WDR1: variants seen among roughly 807,000 people sequenced by gnomAD.
WDR1 encodes WD repeat domain 1, also known as WD repeat-containing protein 1.
In WDR1, 21 loss-of-function variants were observed where a neutral mutation model predicts 71.9. That is an observed-to-expected ratio of 0.29 (90% CI 0.21 to 0.42). The LOEUF (loss-of-function observed/expected upper bound fraction) is 0.42, where lower values mean the gene tolerates loss of function less well. Among genes scored for constraint, WDR1 ranks in the 10% least tolerant of loss-of-function variants. The probability of loss-of-function intolerance (pLI) is 1.00; values close to 1 mark genes in which losing one functional copy is unlikely to be tolerated. For missense variants in WDR1, 696 were observed against 824.5 expected (o/e 0.84, Z 1.91); for synonymous variants, 424 against 347.4 (o/e 1.22, Z -2.45).
chr4:10,084,663 C>CT (rs1024701574), intron 8 of WDR1, 133 bp from the exon 9 acceptor site: 1 of 804,828 alleles, frequency 1.2e-6, no homozygotes, highest in African/African-American at 1.7e-5. Context: ...TGCAGGTGCT[C>CT]TGAGGCCCCA....
intron 8 of WDR1, among the ~76,000 whole-genome samples, chr4:10,086,550 G>C (rs1355050374): frequency 6.7e-6 from 1 of 149,904 alleles, no homozygotes; most frequent in South Asian, 2.1e-4. Flanking sequence ...CCTAGAAGCC[G>C]TGGTGTGAAG....
intron 8 of WDR1, among the ~76,000 whole-genome samples, chr4:10,086,514 T>C (rs1462781572): frequency 1.3e-5 from 2 of 152,050 alleles, no homozygotes; most frequent in Non-Finnish European, 2.9e-5. Flanking sequence ...CCATGTAGAA[T>C]GGATTTGGTG....
Position 10,074,726 on chromosome 4 carries a change from C to T in WDR1, c.*652G>A, listed in dbSNP as rs1249935930. 6.6e-6 allele frequency: 1 copy of T among 152,152 alleles called. No individual in the cohort carries two copies. Among genetic ancestry groups the T allele is most frequent in the Admixed American group, 6.6e-5 (1 of 15,224 alleles). The allele number at this position is 152,152 out of a possible 1,614,324, so 9.4% of individuals were successfully genotyped here. ...CAACGCACTAGTTTGTAAACACTGACAGGCAACAGTTAAGATACATTAAAA... is the reference window on the plus strand; with the variant it reads ...CAACGCACTAGTTTGTAAACACTGATAGGCAACAGTTAAGATACATTAAAA... On this transcript the variant is annotated 3_prime_UTR_variant, in exon 15 of 15. Transcript: ENST00000499869.
chr4:10,115,600 G>A (rs1471239703), intron 2 of WDR1, among the ~76,000 whole-genome samples: 2 of 152,222 alleles, frequency 1.3e-5, no homozygotes, highest in African/African-American at 2.4e-5. Flanking sequence ...GACGCCAGCA[G>A]CTCATTCATT....
chr4:10,101,131 G>C (rs182809349), intron 3 of WDR1, among the ~76,000 whole-genome samples: 5 of 152,392 alleles, frequency 3.3e-5, no homozygotes, highest in African/African-American at 7.2e-5. Flanking sequence ...AAGGCAGACA[G>C]AACAGTATCA....
intron 1 of WDR1, 45 bp from the exon 2 acceptor site, chr4:10,116,279 G>T (rs565593548): frequency 6.2e-7 from 1 of 1,611,154 alleles, no homozygotes. Flanking sequence ...GCAGGGCGGG[G>T]ACGGCGGGGA....
In WDR1 at chr4:10,075,157, G is replaced by T; in HGVS notation, c.*221C>A. The T allele has an allele frequency of 1.8e-6, 1 of 548,814 alleles. No individual in the cohort carries two copies. The highest frequency in any genetic ancestry group is 2.6e-5 in the South Asian group (1 of 38,416). 34.0% of individuals were successfully genotyped at this position (548,814 alleles called of 1,614,324 possible). Reference sequence around the variant, plus strand: ...TAGTTATGCTCCACACATTGTTTAGGTGCTCGCTTTATTTTTCATGTGCAA... The same window carrying T: ...TAGTTATGCTCCACACATTGTTTAGTTGCTCGCTTTATTTTTCATGTGCAA... On this transcript the variant is annotated 3_prime_UTR_variant, in exon 15 of 15. Transcript: ENST00000499869.
intron 2 of WDR1, among the ~76,000 whole-genome samples, chr4:10,113,420 T>C (rs1359130533): frequency 6.6e-6 from 1 of 152,024 alleles, no homozygotes; most frequent in South Asian, 2.1e-4. Flanking sequence ...TCTGAGAAAA[T>C]GTCCAGGCAA....
intron 2 of WDR1, among the ~76,000 whole-genome samples, chr4:10,114,347 C>T (rs890318306): frequency 6.6e-6 from 1 of 152,190 alleles, no homozygotes; most frequent in Non-Finnish European, 1.5e-5. Flanking sequence ...GGGTGCCTGT[C>T]CCTGAATGAC....
rs1765129923 is a variant in WDR1 at position 10,084,418 on chromosome 4, GCCAGC to G, written c.1039+20_1039+24del. 9 of 1,608,406 alleles carry G rather than the reference GCCAGC, an allele frequency of 5.6e-6. No individual in the cohort carries two copies. Among genetic ancestry groups the G allele is most frequent in the African/African-American group, 1.3e-5 (1 of 74,790 alleles). Reference sequence around the variant, plus strand: ...CCCCCCTAGAGCCAGCGGCTCCGGAGCCAGCTCTTTGAGTCAAAGGATATTAATGT... The same window carrying G: ...CCCCCCTAGAGCCAGCGGCTCCGGAGTCTTTGAGTCAAAGGATATTAATGT... On this transcript the variant is annotated intron_variant, in intron 9 of 14. Coordinates refer to ENST00000499869, the MANE Select transcript of WDR1 (RefSeq NM_017491.5).
At chr4:10,110,559 C>A (rs1008651368) in intron 2 of WDR1, among the ~76,000 whole-genome samples, 1 of 152,164 alleles carries the variant, frequency 6.6e-6, no homozygotes, top group Non-Finnish European at 1.5e-5. Context: ...CCGTGTGTCT[C>A]AACGCTCCTC....
intron 3 of WDR1, among the ~76,000 whole-genome samples, chr4:10,102,314 A>G (rs1712726420): frequency 6.6e-6 from 1 of 152,202 alleles, no homozygotes; most frequent in African/African-American, 2.4e-5. Context: ...CACCAGTAAG[A>G]GGCTGCCATG....
intron 5 of WDR1, chr4:10,092,695 C>T (rs1009723603): frequency 3.0e-5 from 8 of 269,916 alleles, no homozygotes; most frequent in Non-Finnish European, 5.2e-5. Context: ...AGAGAAGCCG[C>T]GAAAAGCCCA....
intron 2 of WDR1, among the ~76,000 whole-genome samples, chr4:10,115,158 C>A (rs542584819): frequency 6.6e-6 from 1 of 152,364 alleles, no homozygotes; most frequent in South Asian, 2.1e-4. Context: ...CTAAGCACAG[C>A]ACAGGAGAAA....
At position 10,081,420 on chromosome 4, in the gene WDR1, G is replaced by A. The variant is rs567588549; in HGVS notation, c.1221C>T (p.Asp407=). The A allele has an allele frequency of 1.9e-5, 31 of 1,613,908 alleles. No homozygotes were observed. The highest frequency in any genetic ancestry group is 3.3e-4 in the Middle Eastern group (2 of 6,062). ...CGACGGCTACGCACTTTGGCTGAAC[G>A]TCCAGTTTCACAACTCCTTGTCCGC... ...DYSGQGVVKL[D]VQPKCVAVGP... Residue 407 remains aspartate (D), a synonymous_variant, in exon 11 of 15, where the codon GAC becomes GAT. Transcript: ENST00000499869.
chr4:10,075,282 A>C lies in WDR1; in HGVS notation c.*96T>G. 1 of 1,086,304 alleles carries C rather than the reference A, an allele frequency of 9.2e-7. No homozygotes were observed. The highest frequency in any genetic ancestry group is 1.4e-6 in the Non-Finnish European group (1 of 734,992). 67.3% of individuals were successfully genotyped at this position (1,086,304 alleles called of 1,614,324 possible). On this transcript the variant is annotated 3_prime_UTR_variant, in exon 15 of 15. Coordinates refer to ENST00000499869, the MANE Select transcript of WDR1 (RefSeq NM_017491.5). The stretch of plus-strand genomic sequence containing the variant: ...CTGCCTCTTGTGGTGGGGTGGGGGC[A>C]TGGGGGCGCGTCACAGAAATAGAGA...
intron 10 of WDR1, among the ~76,000 whole-genome samples, chr4:10,081,851 T>A (rs1454767591): frequency 1.3e-5 from 2 of 152,156 alleles, no homozygotes; most frequent in Non-Finnish European, 2.9e-5. Context: ...CTTTTAAGAA[T>A]CCGTTACCTT....
At chr4:10,077,250 C>T in intron 14 of WDR1, 54 bp downstream of exon 14, 3 of 1,607,798 alleles carry the variant, frequency 1.9e-6, no homozygotes, top group Non-Finnish European at 2.5e-6. Flanking sequence ...TGAGGTGGCC[C>T]ATGGAGCCCC....
rs755562542 is a variant in WDR1, at chr4:10,084,534, TGAAGGAGACACACTGG to T, written c.952-20_952-5del. ...ACTGGATCGATTTACTGTGACCCTGTGAAGGAGACACACTGGGCGGGTAAGCTGATGACACACTGCC... is the reference window on the plus strand; with the variant it reads ...ACTGGATCGATTTACTGTGACCCTGTGCGGGTAAGCTGATGACACACTGCC... On this transcript the variant is annotated splice_polypyrimidine_tract_variant and splice_region_variant and intron_variant, in intron 8 of 14. Coordinates refer to ENST00000499869, the MANE Select transcript of WDR1 (RefSeq NM_017491.5). The T allele has an allele frequency of 6.2e-7, 1 of 1,613,670 alleles. No individual in the cohort carries two copies. The highest frequency in any genetic ancestry group is 1.1e-5 in the South Asian group (1 of 91,050).
Sources: allele counts gnomAD v4.1 joint callset (sites outside exome capture counted in the v4.1 genomes callset), GRCh38; gene constraint gnomAD v4.1.1; transcripts MANE v1.5; gene names NCBI Gene and HGNC (gene_info 2026-07-23, HGNC 2026-07-21).